Variants in LARS2 observed in about 807,000 individuals in gnomAD.
LARS2 encodes the protein leucine--tRNA ligase, mitochondrial.
In LARS2, 81 loss-of-function variants were observed where a neutral mutation model predicts 116.6. The observed-to-expected ratio is 0.69, with a 90% confidence interval of 0.58 to 0.84. The LOEUF (loss-of-function observed/expected upper bound fraction) is 0.84, where lower values mean the gene tolerates loss of function less well. LARS2 is among the 40% of genes least tolerant of loss of function. The pLI, the probability that LARS2 is intolerant of heterozygous loss-of-function variation, is 0.00. For missense variants in LARS2, 968 were observed against 1,114.5 expected (o/e 0.87, Z 1.87); for synonymous variants, 396 against 407.2 (o/e 0.97, Z 0.33).
At chr3:45,466,725 A>G (rs1208166441) in intron 8 of LARS2, among the ~76,000 whole-genome samples, 1 of 151,784 alleles carries the variant, frequency 6.6e-6, no homozygotes, top group African/African-American at 2.4e-5. Context: ...CTTTTTTATT[A>G]TTATTATTTG....
At chr3:45,484,620 A>ATATATATATATAT (rs1180010440) in intron 10 of LARS2, among the ~76,000 whole-genome samples, 41 of 13,996 alleles carry the variant, frequency 2.9e-3, no homozygotes, top group Non-Finnish European at 6.3e-3. Context: ...AAAAAAAAAA[A>ATATATATATATAT]AAAAAAAAAA....
chr3:45,393,154 C>G (rs1445998009), intron 2 of LARS2, among the ~76,000 whole-genome samples: 1 of 152,188 alleles, frequency 6.6e-6, no homozygotes, highest in African/African-American at 2.4e-5. Flanking sequence ...TAGGCCCCAA[C>G]CTATGAGTTG....
Position 45,446,943 on chromosome 3 carries a change from T to A in LARS2, c.569T>A (p.Ile190Asn). Residue 190 changes from isoleucine (I) to asparagine (N), a missense_variant, in exon 7 of 22, where the codon ATT becomes AAT. Transcript: ENST00000645846. ...DYYKWTQYLF[I>N]KLYEAGLAYQ... ...TACAAGTGGACTCAGTATCTCTTTA[T>A]TAAACTGTATGAGGCTGGGCTGGCC... 1 of 1,610,908 alleles carries A rather than the reference T, an allele frequency of 6.2e-7. No homozygotes were observed. Among genetic ancestry groups the A allele is most frequent in the Middle Eastern group, 1.7e-4 (1 of 6,052 alleles).
intron 20 of LARS2, among the ~76,000 whole-genome samples, chr3:45,535,928 A>G (rs1386392412): frequency 3.9e-5 from 6 of 152,184 alleles, no homozygotes; most frequent in Admixed American, 2.6e-4. Flanking sequence ...AGGACCTCAC[A>G]TAGGACCTCC....
At chr3:45,458,666 G>T in intron 7 of LARS2, 77 bp from the exon 8 acceptor site, 1 of 1,471,546 alleles carries the variant, frequency 6.8e-7, no homozygotes, top group Non-Finnish European at 9.5e-7. Flanking sequence ...TAGCCCGGGC[G>T]ACAGTGCGAC....
At chr3:45,464,047 G>T (rs914580463) in intron 8 of LARS2, among the ~76,000 whole-genome samples, 11 of 152,208 alleles carry the variant, frequency 7.2e-5, no homozygotes, top group Admixed American at 6.5e-4. Flanking sequence ...GAGCCATTAT[G>T]AAATCAGTGG....
intron 19 of LARS2, among the ~76,000 whole-genome samples, chr3:45,521,973 G>T (rs575588091): frequency 5.9e-5 from 9 of 152,236 alleles, no homozygotes; most frequent in Admixed American, 3.3e-4. Context: ...AAGTGTGGTG[G>T]CATGCACCTG....
chr3:45,538,101 C>T (rs1700736040), intron 20 of LARS2, among the ~76,000 whole-genome samples: 1 of 152,316 alleles, frequency 6.6e-6, no homozygotes, highest in South Asian at 2.1e-4. Flanking sequence ...ATTCTTACTT[C>T]CCTAAAATGA....
intron 21 of LARS2, among the ~76,000 whole-genome samples, chr3:45,545,820 C>A (rs952768241): frequency 1.3e-4 from 18 of 141,898 alleles, no homozygotes; most frequent in African/African-American, 3.8e-4. Flanking sequence ...TGTGCTGAGG[C>A]CATGCGTCAA....
At chr3:45,396,644 A>C (rs1698051682) in intron 3 of LARS2, among the ~76,000 whole-genome samples, 1 of 152,220 alleles carries the variant, frequency 6.6e-6, no homozygotes, top group Non-Finnish European at 1.5e-5. Context: ...TTAAAAAATA[A>C]TTTGCATTTA....
rs370726872 is a variant in LARS2, at chr3:45,547,532, A to G, written c.*2A>G. 14 of 1,597,614 alleles carry G rather than the reference A, an allele frequency of 8.8e-6. No homozygotes were observed. The African/African-American group carries it at 1.9e-4, about 22-fold the overall frequency. On this transcript the variant is annotated 3_prime_UTR_variant, in exon 22 of 22. Coordinates refer to ENST00000645846, the MANE Select transcript of LARS2 (RefSeq NM_015340.4). ...ATCAACTTCCTGGTGCAAGATTGACAGCCAGGAGGCTGCAGCTACCACGAG... is the reference window on the plus strand; with the variant it reads ...ATCAACTTCCTGGTGCAAGATTGACGGCCAGGAGGCTGCAGCTACCACGAG...
At chr3:45,456,150 A>G (rs997710156) in intron 7 of LARS2, among the ~76,000 whole-genome samples, 2 of 152,172 alleles carry the variant, frequency 1.3e-5, no homozygotes, top group South Asian at 2.1e-4. Context: ...GAGTAAATTT[A>G]TCACCACAAA....
At chr3:45,400,573 G>A (rs1698129559) in intron 4 of LARS2, among the ~76,000 whole-genome samples, 200 bp downstream of exon 4, 1 of 152,244 alleles carries the variant, frequency 6.6e-6, no homozygotes, top group Admixed American at 6.5e-5. Flanking sequence ...TTGGGGGGCA[G>A]CCATGAGTTG....
chr3:45,541,827 A>G lies in LARS2; in HGVS notation c.2405-2A>G. The G allele has an allele frequency of 6.2e-7, 1 of 1,614,086 alleles. No individual in the cohort carries two copies. Among genetic ancestry groups the G allele is most frequent in the East Asian group, 2.2e-5 (1 of 44,878 alleles). Reference sequence around the variant, plus strand: ...CCACGCTTCTGTGCCTCGGCATTGCAGGCCTGGCGCTGGTGCCGAGGAAGC... The same window carrying G: ...CCACGCTTCTGTGCCTCGGCATTGCGGGCCTGGCGCTGGTGCCGAGGAAGC... On this transcript the variant is annotated splice_acceptor_variant, in intron 20 of 21. Transcript: ENST00000645846. LOFTEE classifies it high-confidence loss of function.
At chr3:45,541,224 A>AG (rs1322802867) in intron 20 of LARS2, among the ~76,000 whole-genome samples, 1 of 152,072 alleles carries the variant, frequency 6.6e-6, no homozygotes, top group Non-Finnish European at 1.5e-5. Flanking sequence ...GGGGCTTGAG[A>AG]GGGTTTCATT....
intron 6 of LARS2, among the ~76,000 whole-genome samples, chr3:45,446,367 A>G (rs1699018427): frequency 6.6e-6 from 1 of 152,222 alleles, no homozygotes. Flanking sequence ...TAAGTAAACA[A>G]CAGCCTGATT....
At chr3:45,539,729 A>T (rs954379015) in intron 20 of LARS2, among the ~76,000 whole-genome samples, 1 of 151,726 alleles carries the variant, frequency 6.6e-6, no homozygotes, top group Non-Finnish European at 1.5e-5. Context: ...ATTGCAACTG[A>T]TATTATTACT....
intron 6 of LARS2, among the ~76,000 whole-genome samples, chr3:45,422,574 C>T (rs563163044): frequency 1.8e-4 from 27 of 152,284 alleles, no homozygotes; most frequent in African/African-American, 6.0e-4. Context: ...ACAATCCCTT[C>T]TCTTTGTTGA....
intron 20 of LARS2, among the ~76,000 whole-genome samples, chr3:45,524,742 G>C (rs1700508912): frequency 6.6e-6 from 1 of 152,196 alleles, no homozygotes; most frequent in Admixed American, 6.5e-5. Context: ...TAGGTCATCT[G>C]AAATGCATGT....
Sources: allele counts gnomAD v4.1 joint callset (sites outside exome capture counted in the v4.1 genomes callset), GRCh38; gene constraint gnomAD v4.1.1; transcripts MANE v1.5; gene names NCBI Gene and HGNC (gene_info 2026-07-23, HGNC 2026-07-21).